Variants in BRAF observed in about 807,000 individuals in gnomAD.
The protein encoded by BRAF is serine/threonine-protein kinase B-raf.
Under a neutral mutation model 104.6 loss-of-function variants are expected in BRAF, and 16 were observed. That is an observed-to-expected ratio of 0.15 (90% CI 0.10 to 0.23). BRAF has a LOEUF of 0.23. BRAF is among the 10% of genes least tolerant of loss of function. The probability of loss-of-function intolerance (pLI) is 1.00; values close to 1 mark genes in which losing one functional copy is unlikely to be tolerated. For synonymous variants in BRAF, 310 were observed against 341.6 expected, an observed-to-expected ratio of 0.91 and a Z score of 1.02; for missense variants, 541 against 937.3, an observed-to-expected ratio of 0.58 and a Z score of 5.52.
chr7:140,870,996 G>A (rs926093677), intron 1 of BRAF, among the ~76,000 whole-genome samples: 2 of 152,008 alleles, frequency 1.3e-5, no homozygotes, highest in South Asian at 2.1e-4. Flanking sequence ...GGGAGGCTGA[G>A]GCGGGCAGAC....
intron 3 of BRAF, among the ~76,000 whole-genome samples, chr7:140,831,419 C>G (rs1439739256): frequency 6.6e-6 from 1 of 152,180 alleles, no homozygotes; most frequent in African/African-American, 2.4e-5. Flanking sequence ...TCAGGGACAT[C>G]TGATGTTCAG....
chr7:140,924,639 T>A lies in BRAF; in HGVS notation c.65A>T (p.Asp22Val), dbSNP rs1414371670. The A allele has an allele frequency of 1.3e-6, 2 of 1,489,322 alleles. No individual in the cohort carries two copies. Among genetic ancestry groups the A allele is most frequent in the Middle Eastern group, 2.3e-4 (1 of 4,304 alleles). The allele number at this position is 1,489,322 out of a possible 1,614,324, so 92.3% of individuals were successfully genotyped here. The change falls in exon 1 of 20, where the codon GAC becomes GTC. Residue 22 changes from aspartate (D) to valine (V), a missense_variant. This residue lies in a region of BRAF where 82 missense variants were observed against 65.9 expected (regional missense o/e 1.24). Transcript: ENST00000644969. This position sits in a 1 kb window ranked among gnomAD's most constrained non-coding sequence, Gnocchi z 4.2. ...GCCGGCGCCGGCCTCGGGCTCCATG[T>A]CCCCGTTGAACAGAGCCTGGCCCGG... is the stretch of plus-strand genomic sequence containing the variant. ...AEPGQALFNG[D>V]MEPEAGAGAG...
chr7:140,796,630 G>A lies in BRAF; in HGVS notation c.981-2163C>T, dbSNP rs1342648987. 2.6e-5 allele frequency among the ~76,000 whole-genome samples: 4 copies of A among 152,262 alleles called. No homozygotes were observed. The East Asian group carries it at 5.8e-4, about 22-fold the overall frequency. On this transcript the variant is annotated intron_variant, in intron 7 of 19. Coordinates refer to ENST00000644969, the MANE Select transcript of BRAF (RefSeq NM_001374258.1). The stretch of plus-strand genomic sequence containing the variant: ...TATATTAGAAAATGATGATATCTGC[G>A]TATTATACAAAATCAGAGAAACTCA...
At chr7:140,766,984 C>T (rs1799391840) in intron 14 of BRAF, among the ~76,000 whole-genome samples, 1 of 152,062 alleles carries the variant, frequency 6.6e-6, no homozygotes, top group Non-Finnish European at 1.5e-5. Context: ...TGAACCACTG[C>T]ACTCAGTGAA....
intron 7 of BRAF, among the ~76,000 whole-genome samples, chr7:140,796,308 G>A (rs1378632843): frequency 6.7e-6 from 1 of 149,866 alleles, no homozygotes; most frequent in Non-Finnish European, 1.5e-5. Flanking sequence ...CCAAGATCAC[G>A]TCTCTGCACT....
chr7:140,865,921 A>C (rs1455031248), intron 1 of BRAF, among the ~76,000 whole-genome samples: 2 of 152,230 alleles, frequency 1.3e-5, no homozygotes, highest in African/African-American at 4.8e-5. Context: ...AATTAAAAGC[A>C]GATTAAGCCC....
At chr7:140,759,086 G>A (rs911430588) in intron 14 of BRAF, among the ~76,000 whole-genome samples, 8 of 152,188 alleles carry the variant, frequency 5.3e-5, no homozygotes, top group African/African-American at 1.7e-4. Context: ...GCAGTGTTAC[G>A]GGGTATGGGT....
intron 1 of BRAF, among the ~76,000 whole-genome samples, chr7:140,875,378 A>T (rs1217526750): frequency 6.6e-6 from 1 of 152,158 alleles, no homozygotes; most frequent in Non-Finnish European, 1.5e-5. Context: ...AACACAAAAA[A>T]TTACTATTAT....
intron 14 of BRAF, among the ~76,000 whole-genome samples, chr7:140,767,132 T>C (rs1799409021): frequency 6.6e-6 from 1 of 152,076 alleles, no homozygotes; most frequent in Admixed American, 6.5e-5. Context: ...GCTTCCCAAG[T>C]AGCTGGGACC....
chr7:140,729,703 G>A (rs1795827843), intron 19 of BRAF, among the ~76,000 whole-genome samples: 1 of 151,944 alleles, frequency 6.6e-6, no homozygotes. Context: ...ACTTGAACCC[G>A]GGAGGCAGAG....
intron 14 of BRAF, among the ~76,000 whole-genome samples, chr7:140,770,478 TAAATTCA>T (rs1307620445): frequency 8.6e-6 from 1 of 115,698 alleles, no homozygotes; most frequent in African/African-American, 3.6e-5. Context: ...TTGATAAAGT[TAAATTCA>T]AAATCATACC....
At chr7:140,829,428 T>C (rs1456419273) in intron 3 of BRAF, among the ~76,000 whole-genome samples, 1 of 152,008 alleles carries the variant, frequency 6.6e-6, no homozygotes, top group Admixed American at 6.5e-5. Context: ...CCAATTTTAT[T>C]TTCTTCTACA....
rs924109756 is a variant in BRAF at position 140,726,365 on chromosome 7, C to G, written c.*129G>C. 2.6e-5 allele frequency: 39 copies of G among 1,480,384 alleles called. No homozygotes were observed. Among genetic ancestry groups the G allele is most frequent in the Non-Finnish European group, 3.5e-5 (39 of 1,122,722 alleles). 91.7% of individuals were successfully genotyped at this position (1,480,384 alleles called of 1,614,324 possible). Reference sequence around the variant, plus strand: ...GGATGGGAAATTCCATTCTGTTCCACATCAGCTTATGCATTGGAAATTTTG... The same window carrying G: ...GGATGGGAAATTCCATTCTGTTCCAGATCAGCTTATGCATTGGAAATTTTG... On this transcript the variant is annotated 3_prime_UTR_variant, in exon 20 of 20. Transcript: ENST00000644969.
chr7:140,734,805 AAGAAAAAAG>A (rs1285659396), intron 18 of BRAF, 35 bp from the exon 18 acceptor site: 16 of 1,461,084 alleles, frequency 1.1e-5, no homozygotes, highest in East Asian at 1.0e-4. Flanking sequence ...AAGAAAAAAA[AAGAAAAAAG>A]AAAAAAAAAG....
intron 17 of BRAF, chr7:140,740,263 T>C (rs1187429400): frequency 4.2e-6 from 1 of 238,412 alleles, no homozygotes; most frequent in African/African-American, 2.3e-5. Flanking sequence ...ACAGTGCCTC[T>C]TCTTTACTTT....
At chr7:140,767,994 T>C (rs1053411782) in intron 14 of BRAF, among the ~76,000 whole-genome samples, 1 of 152,170 alleles carries the variant, frequency 6.6e-6, no homozygotes, top group Non-Finnish European at 1.5e-5. Flanking sequence ...GACAGTGAGT[T>C]AACAGTATGT....
rs2129062001 is a variant in BRAF, at chr7:140,834,675, C to T, written c.438G>A (p.Arg146=). The T allele has an allele frequency of 1.2e-6, 2 of 1,614,074 alleles. No homozygotes were observed. The highest frequency in any genetic ancestry group is 1.7e-6 in the Non-Finnish European group (2 of 1,180,002). Residue 146 remains arginine, a synonymous_variant, in exon 3 of 20, where the codon CGG becomes CGA. Transcript: ENST00000644969. ...SVFQNPTDVA[R]SNPKSPQKPI... ...GTTTTTGTGGTGACTTGGGGTTGCT[C>T]CGTGCCACATCTGTGGGATTTTGAA...
intron 1 of BRAF, chr7:140,884,292 C>G (rs1586536884): frequency 6.6e-6 from 1 of 151,688 alleles, no homozygotes; most frequent in Non-Finnish European, 1.5e-5. Context: ...AACCACACTC[C>G]TAATTTCTAG....
At chr7:140,736,050 G>C (rs546147110) in intron 18 of BRAF, among the ~76,000 whole-genome samples, 2 of 150,892 alleles carry the variant, frequency 1.3e-5, no homozygotes, top group African/African-American at 4.9e-5. Flanking sequence ...ACCACTGTTA[G>C]AGTCTATACT....
Sources: gnomAD v4.1 joint callset for allele counts (sites outside exome capture counted in the v4.1 genomes callset) on GRCh38, gnomAD v4.1.1 for gene constraint, gnomAD v4.1.1 regional missense constraint, Gnocchi (gnomAD v3.1) non-coding constraint, MANE v1.5 for transcripts, NCBI Gene and HGNC (gene_info 2026-07-23, HGNC 2026-07-21) for gene names.